Variants in LRP1B observed in about 807,000 individuals in gnomAD.
LRP1B encodes the protein low-density lipoprotein receptor-related protein 1B.
In LRP1B, 217 loss-of-function variants were observed where a neutral mutation model predicts 556.6. The ratio of observed to expected loss-of-function variants is 0.39; its 90% CI spans 0.35 to 0.44. LRP1B has a LOEUF of 0.44. LRP1B is among the 20% of genes least tolerant of loss of function. The probability of loss-of-function intolerance (pLI) is 1.00; values close to 1 mark genes in which losing one functional copy is unlikely to be tolerated. For synonymous variants in LRP1B, 2,047 were observed against 1,865.8 expected (o/e 1.10, Z -2.50); for missense variants, 5,053 against 5,620.8 (o/e 0.90, Z 3.23).
rs1334256152 is a variant in LRP1B, at chr2:141,049,165, C to T, written c.1610G>A (p.Gly537Glu). Reference protein sequence around the residue: ...YGKGRPGIVRGMDLNTKIADE... With the variant: ...YGKGRPGIVREMDLNTKIADE... Reference sequence around the variant, plus strand: ...AGCTATCTTGGTATTCAAGTCCATTCCTCTAACAATTCCTGGGCGTCCTTT... The same window carrying T: ...AGCTATCTTGGTATTCAAGTCCATTTCTCTAACAATTCCTGGGCGTCCTTT... The change falls in exon 11 of 91, where the codon GGA (glycine) becomes GAA (glutamate). Residue 537 changes from glycine (G) to glutamate (E), a missense_variant. Gly to Glu is a moderately conservative substitution (Grantham distance 98). Transcript: ENST00000389484. 1.9e-6 allele frequency: 3 copies of T among 1,613,556 alleles called. No individual in the cohort carries two copies. Among genetic ancestry groups the T allele is most frequent in the Non-Finnish European group, 2.5e-6 (3 of 1,179,696 alleles).
At chr2:140,688,453 T>C (rs1686125113) in intron 41 of LRP1B, among the ~76,000 whole-genome samples, 1 of 126,726 alleles carries the variant, frequency 7.9e-6, no homozygotes, top group Admixed American at 8.5e-5. Flanking sequence ...TCAAGGAATA[T>C]AACAGATAAA....
At chr2:141,363,795 T>G (rs1046970915) in intron 3 of LRP1B, among the ~76,000 whole-genome samples, 1 of 152,218 alleles carries the variant, frequency 6.6e-6, no homozygotes, top group African/African-American at 2.4e-5. Flanking sequence ...TGTTAAAATG[T>G]ATAGTTATTC....
intron 1 of LRP1B, among the ~76,000 whole-genome samples, chr2:141,827,560 A>G (rs996100503): frequency 6.6e-6 from 1 of 152,172 alleles, no homozygotes; most frequent in Non-Finnish European, 1.5e-5. Flanking sequence ...GAGAGTTGAC[A>G]TCAGACTACT....
At chr2:140,511,053 TA>T (rs1420967571) in intron 51 of LRP1B, among the ~76,000 whole-genome samples, 2 of 152,058 alleles carry the variant, frequency 1.3e-5, no homozygotes, top group African/African-American at 4.8e-5. Flanking sequence ...GAATTGATGC[TA>T]AAAAAGAAAT....
At chr2:140,498,912 A>G (rs1689062991) in intron 55 of LRP1B, among the ~76,000 whole-genome samples, 1 of 151,904 alleles carries the variant, frequency 6.6e-6, no homozygotes, top group African/African-American at 2.4e-5. Context: ...TGTACAAGTC[A>G]TATTTCCATC....
intron 43 of LRP1B, among the ~76,000 whole-genome samples, chr2:140,557,625 C>T (rs923271213): frequency 3.9e-5 from 6 of 152,112 alleles, no homozygotes; most frequent in Non-Finnish European, 5.9e-5. Flanking sequence ...CTGTGCTAGC[C>T]ACAAATGCAT....
At chr2:141,823,143 G>A (rs1307152750) in intron 1 of LRP1B, among the ~76,000 whole-genome samples, 1 of 152,096 alleles carries the variant, frequency 6.6e-6, no homozygotes, top group Non-Finnish European at 1.5e-5. Context: ...TACAGATAGG[G>A]CATGGACATG....
chr2:141,916,838 AT>A (rs1700049262), intron 1 of LRP1B, among the ~76,000 whole-genome samples: 1 of 152,270 alleles, frequency 6.6e-6, no homozygotes, highest in African/African-American at 2.4e-5. Flanking sequence ...TGTCTGCGTG[AT>A]GGGACATTCA....
chr2:141,372,792 ATT>A (rs1335038254), intron 3 of LRP1B, among the ~76,000 whole-genome samples: 1 of 151,650 alleles, frequency 6.6e-6, no homozygotes, highest in African/African-American at 2.4e-5. Flanking sequence ...GTGGTTTATT[ATT>A]TTTGCTTCTC....
chr2:141,091,341 C>A (rs7564253), intron 7 of LRP1B, among the ~76,000 whole-genome samples: 69,285 of 151,966 alleles, frequency 0.46, 16,708 homozygotes, highest in Middle Eastern at 0.57. Flanking sequence ...GTTAGGGAGA[C>A]AAGAGGCTAT....
At chr2:141,420,204 C>T (rs979987826) in intron 3 of LRP1B, among the ~76,000 whole-genome samples, 2 of 152,166 alleles carry the variant, frequency 1.3e-5, no homozygotes, top group African/African-American at 2.4e-5. Context: ...TGGACACATA[C>T]ACATTTATAA....
intron 2 of LRP1B, among the ~76,000 whole-genome samples, chr2:141,637,145 G>C (rs1342819680): frequency 6.6e-6 from 1 of 152,082 alleles, no homozygotes; most frequent in South Asian, 2.1e-4. Flanking sequence ...CATCATCACA[G>C]TATTGGGGCA....
intron 3 of LRP1B, among the ~76,000 whole-genome samples, chr2:141,296,216 T>C (rs1231239517): frequency 6.6e-6 from 1 of 152,182 alleles, no homozygotes. Context: ...ACTGAGGCCA[T>C]GAAATTTGAA....
chr2:140,539,390 C>T (rs974608431), intron 45 of LRP1B, among the ~76,000 whole-genome samples: 6 of 152,102 alleles, frequency 3.9e-5, no homozygotes, highest in Admixed American at 2.0e-4. Flanking sequence ...TATGAATGCA[C>T]AATGGACGTC....
At chr2:140,666,462 G>A (rs72979851) in intron 41 of LRP1B, among the ~76,000 whole-genome samples, 2,166 of 152,038 alleles carry the variant, frequency 0.014, 51 homozygotes, top group African/African-American at 0.049. Context: ...TCACTTATAA[G>A]CCAAAGAGTA....
At chr2:140,658,945 G>A (rs1041779254) in intron 41 of LRP1B, among the ~76,000 whole-genome samples, 9 of 151,804 alleles carry the variant, frequency 5.9e-5, no homozygotes, top group African/African-American at 2.2e-4. Flanking sequence ...TCAGTGAGCT[G>A]GAACAATGTT....
chr2:141,180,833 A>T (rs1031656867), intron 7 of LRP1B, among the ~76,000 whole-genome samples: 1 of 151,974 alleles, frequency 6.6e-6, no homozygotes, highest in Non-Finnish European at 1.5e-5. Context: ...AGGGAACGAG[A>T]TTTGGAACAA....
chr2:142,055,617 C>T (rs1453618261), intron 1 of LRP1B, among the ~76,000 whole-genome samples: 1 of 152,104 alleles, frequency 6.6e-6, no homozygotes, highest in African/African-American at 2.4e-5. Context: ...AAGAACTTCC[C>T]ATGTTTGTAC....
intron 7 of LRP1B, among the ~76,000 whole-genome samples, chr2:141,171,963 A>G (rs1036545547): frequency 6.6e-6 from 1 of 152,102 alleles, no homozygotes; most frequent in African/African-American, 2.4e-5. Flanking sequence ...ACCCCATCAG[A>G]ACTATAAATT....
Sources: gnomAD v4.1 joint callset for allele counts (sites outside exome capture counted in the v4.1 genomes callset) on GRCh38, gnomAD v4.1.1 for gene constraint, MANE v1.5 for transcripts, NCBI Gene and HGNC (gene_info 2026-07-23, HGNC 2026-07-21) for gene names.